Variants in NECAB1 observed in about 807,000 individuals in gnomAD.
NECAB1 encodes the protein N-terminal EF-hand calcium binding protein 1.
NECAB1 carries 29 observed loss-of-function variants against 57.5 expected under a neutral mutation model. That is an observed-to-expected ratio of 0.50 (90% CI 0.38 to 0.69). The LOEUF (loss-of-function observed/expected upper bound fraction) is 0.69, where lower values mean the gene tolerates loss of function less well. NECAB1 is among the 30% of genes least tolerant of loss of function. The pLI is 0.00. For missense variants in NECAB1, 372 were observed against 413.8 expected (o/e 0.90, Z 0.88); for synonymous variants, 142 against 147.7 (o/e 0.96, Z 0.28).
intron 3 of NECAB1, among the ~76,000 whole-genome samples, chr8:90,859,746 G>T (rs1339279040): frequency 1.3e-5 from 2 of 152,102 alleles, no homozygotes; most frequent in African/African-American, 4.8e-5. Context: ...GGAAAATTGA[G>T]CTGGTTTCAG....
rs559905396 is a variant in NECAB1, at chr8:90,889,947, CTGTG to C, written c.357+8826_357+8829del. 1.7e-4 allele frequency among the ~76,000 whole-genome samples: 21 copies of C among 122,980 alleles called. No homozygotes were observed. The South Asian group carries it at 4.9e-3, about 29-fold the overall frequency. The allele number at this position is 122,980 out of a possible 152,430, so 80.7% of individuals were successfully genotyped here. ...AACTACCATAGTGGTCAACTTTTAA[CTGTG>C]TGTGTGTGAGTGTGTGTGTGTGTGT... On this transcript the variant is annotated intron_variant, in intron 5 of 12. Coordinates refer to ENST00000417640, the MANE Select transcript of NECAB1 (RefSeq NM_022351.5).
At chr8:90,829,304 T>C (rs978755992) in intron 3 of NECAB1, among the ~76,000 whole-genome samples, 11 of 152,106 alleles carry the variant, frequency 7.2e-5, no homozygotes, top group Non-Finnish European at 1.5e-4. Context: ...GAAACTTCCA[T>C]GGTTCCTCAA....
intron 5 of NECAB1, among the ~76,000 whole-genome samples, chr8:90,883,470 A>G (rs1808893896): frequency 6.6e-6 from 1 of 152,158 alleles, no homozygotes; most frequent in Admixed American, 6.5e-5. Flanking sequence ...CAGTAGGAAG[A>G]TCTGATTGTT....
At chr8:90,879,368 C>T (rs1050076005) in intron 4 of NECAB1, among the ~76,000 whole-genome samples, 1 of 151,076 alleles carries the variant, frequency 6.6e-6, no homozygotes, top group African/African-American at 2.4e-5. Context: ...AGGCTGGTCA[C>T]GAATTCCTGG....
At position 90,915,317 on chromosome 8, in the gene NECAB1, A is replaced by G. The variant is rs184060703; in HGVS notation, c.358-2175A>G. On this transcript the variant is annotated intron_variant, in intron 5 of 12. Transcript: ENST00000417640. ...ATCACATTTTCTTTCAACCTCAAAG[A>G]AAAGCCTTCCTCAATTTTAAAAACT... is the stretch of plus-strand genomic sequence containing the variant. 4.8e-3 allele frequency among the ~76,000 whole-genome samples: 737 copies of G among 152,280 alleles called. 5 individuals are homozygous for G. The highest frequency in any genetic ancestry group is 8.1e-3 in the Non-Finnish European group (548 of 68,010).
intron 3 of NECAB1, among the ~76,000 whole-genome samples, chr8:90,834,095 G>A (rs1812331970): frequency 6.7e-6 from 1 of 150,288 alleles, no homozygotes; most frequent in Non-Finnish European, 1.5e-5. Flanking sequence ...CCCAGCAGGT[G>A]GCGGTTGCAG....
chr8:90,869,493 C>A (rs1391908343), intron 3 of NECAB1, among the ~76,000 whole-genome samples: 1 of 152,184 alleles, frequency 6.6e-6, no homozygotes, highest in Non-Finnish European at 1.5e-5. Flanking sequence ...CTGTCCAAGG[C>A]CTTGGGAGGC....
chr8:90,836,225 A>G (rs1394502), intron 3 of NECAB1, among the ~76,000 whole-genome samples: 71,672 of 151,976 alleles, frequency 0.47, 20,483 homozygotes, highest in African/African-American at 0.77. Flanking sequence ...AGTTTTCATT[A>G]CTTAAAAAGA....
intron 5 of NECAB1, among the ~76,000 whole-genome samples, chr8:90,897,891 A>G (rs1199567851): frequency 6.6e-6 from 1 of 152,226 alleles, no homozygotes; most frequent in Admixed American, 6.5e-5. Flanking sequence ...ACCTCCTGTA[A>G]GTCACTGTTG....
intron 9 of NECAB1, among the ~76,000 whole-genome samples, chr8:90,936,387 A>T (rs1810539375): frequency 6.6e-6 from 1 of 152,300 alleles, no homozygotes. Context: ...CAAGTGTTGT[A>T]CTAAACACAT....
At chr8:90,906,887 A>ATT (rs199604237) in intron 5 of NECAB1, among the ~76,000 whole-genome samples, 1 of 121,668 alleles carries the variant, frequency 8.2e-6, no homozygotes, top group African/African-American at 3.7e-5. Context: ...ATATATATAT[A>ATT]TATATATATA....
At chr8:90,854,003 G>A (rs1812741533) in intron 3 of NECAB1, among the ~76,000 whole-genome samples, 2 of 152,172 alleles carry the variant, frequency 1.3e-5, no homozygotes, top group South Asian at 4.1e-4. Flanking sequence ...GGGATGAGGG[G>A]TTTAGTGTCT....
chr8:90,824,767 G>A lies in NECAB1; in HGVS notation c.175G>A (p.Val59Ile). The change falls in exon 3 of 13, where the codon GTT becomes ATT. Residue 59 changes from valine to isoleucine, a missense_variant. Val to Ile is a conservative substitution (Grantham distance 29). Transcript: ENST00000417640. ...ATTCAAAGCATATTTTGCAGATGGTGTTCTCAGTGGAGAAGAATTACACGA... is the reference window on the plus strand; with the variant it reads ...ATTCAAAGCATATTTTGCAGATGGTATTCTCAGTGGAGAAGAATTACACGA... The part of the protein sequence containing the change: ...EEFKAYFADG[V>I]LSGEELHELF... The A allele has an allele frequency of 6.4e-7, 1 of 1,552,022 alleles. No individual in the cohort carries two copies. Among genetic ancestry groups the A allele is most frequent in the Admixed American group, 1.9e-5 (1 of 51,756 alleles).
intron 5 of NECAB1, among the ~76,000 whole-genome samples, chr8:90,898,123 C>T (rs1313708357): frequency 6.6e-6 from 1 of 152,046 alleles, no homozygotes; most frequent in Non-Finnish European, 1.5e-5. Context: ...AATCAAATTA[C>T]AGTTGAGAAA....
chr8:90,866,115 A>T (rs1466603550), intron 3 of NECAB1, among the ~76,000 whole-genome samples: 1 of 152,162 alleles, frequency 6.6e-6, no homozygotes, highest in African/African-American at 2.4e-5. Flanking sequence ...GTTGATTTCC[A>T]TTGGTGCCAT....
At chr8:90,844,767 C>T (rs1295535281) in intron 3 of NECAB1, among the ~76,000 whole-genome samples, 1 of 144,972 alleles carries the variant, frequency 6.9e-6, no homozygotes, top group African/African-American at 2.6e-5. Context: ...AAAGGCTTGA[C>T]TTAGTTATTA....
At chr8:90,799,295 G>A (rs932065645) in intron 1 of NECAB1, among the ~76,000 whole-genome samples, 1 of 151,994 alleles carries the variant, frequency 6.6e-6, no homozygotes. Flanking sequence ...CAGCTCTTTA[G>A]TTTAATTAGG....
At chr8:90,922,395 T>C (rs1586127771) in intron 6 of NECAB1, among the ~76,000 whole-genome samples, 3 of 152,010 alleles carry the variant, frequency 2.0e-5, no homozygotes, top group African/African-American at 7.2e-5. Flanking sequence ...GTTATAAAAG[T>C]TTAGACAGCT....
chr8:90,897,080 A>C (rs956349152), intron 5 of NECAB1, among the ~76,000 whole-genome samples: 1 of 151,960 alleles, frequency 6.6e-6, no homozygotes, highest in Non-Finnish European at 1.5e-5. Context: ...AATTTAAAAA[A>C]AATAATTAAA....
Sources: allele counts gnomAD v4.1 joint callset (sites outside exome capture counted in the v4.1 genomes callset), GRCh38; gene constraint gnomAD v4.1.1; transcripts MANE v1.5; gene names NCBI Gene and HGNC (gene_info 2026-07-23, HGNC 2026-07-21).